The following MRTFA variants were observed in gnomAD, a reference collection of about 807,000 sequenced individuals.
MRTFA encodes the protein myocardin-related transcription factor A.
In MRTFA, 20 loss-of-function variants were observed where a neutral mutation model predicts 83.5. The observed-to-expected ratio is 0.24, with a 90% CI of 0.17 to 0.35. The LOEUF is 0.35. MRTFA is among the 10% of genes least tolerant of loss of function. The probability of loss-of-function intolerance (pLI) is 1.00; values close to 1 mark genes in which losing one functional copy is unlikely to be tolerated. For missense variants in MRTFA, 1,200 were observed against 1,224.7 expected (o/e 0.98, Z 0.30); for synonymous variants, 659 against 541.2 (o/e 1.22, Z -3.02).
chr22:40,443,854 C>T (rs1188591772), intron 4 of MRTFA, among the ~76,000 whole-genome samples: 2 of 152,204 alleles, frequency 1.3e-5, no homozygotes, highest in African/African-American at 4.8e-5. Context: ...ATTCATAAGG[C>T]ACCTCTCCCA....
intron 1 of MRTFA, among the ~76,000 whole-genome samples, chr22:40,631,671 C>A (rs1465897677): frequency 1.3e-5 from 2 of 152,152 alleles, no homozygotes; most frequent in Non-Finnish European, 2.9e-5. Flanking sequence ...AAATATTTTT[C>A]CTTATGTCAA....
intron 4 of MRTFA, among the ~76,000 whole-genome samples, chr22:40,459,862 T>TATATATATATATATATATACAC (rs796103400): frequency 3.3e-5 from 4 of 121,486 alleles, no homozygotes; most frequent in African/African-American, 1.3e-4. Context: ...TATATATATA[T>TATATATATATATATATATACAC]ACACACATGA....
chr22:40,456,306 A>T (rs1341362846), intron 4 of MRTFA, among the ~76,000 whole-genome samples: 2 of 152,012 alleles, frequency 1.3e-5, no homozygotes, highest in Non-Finnish European at 2.9e-5. Flanking sequence ...GTGAAACTGA[A>T]ACTTCTGTAA....
At chr22:40,510,586 C>T (rs2054651162) in intron 3 of MRTFA, among the ~76,000 whole-genome samples, 1 of 152,076 alleles carries the variant, frequency 6.6e-6, no homozygotes, top group Non-Finnish European at 1.5e-5. Flanking sequence ...TTCACTGAAT[C>T]ATTAAATAAA....
chr22:40,438,407 G>A (rs1055609891), intron 4 of MRTFA, among the ~76,000 whole-genome samples: 8 of 152,182 alleles, frequency 5.3e-5, no homozygotes, highest in Non-Finnish European at 1.0e-4. Flanking sequence ...CTGACTTGCT[G>A]CCTCAACAAC....
At chr22:40,453,437 C>CCTT (rs1431860238) in intron 4 of MRTFA, among the ~76,000 whole-genome samples, 1 of 152,134 alleles carries the variant, frequency 6.6e-6, no homozygotes, top group Non-Finnish European at 1.5e-5. Context: ...TTGGGGAAAG[C>CCTT]CTTTTCTGGG....
intron 3 of MRTFA, among the ~76,000 whole-genome samples, chr22:40,530,625 A>G (rs980190338): frequency 2.0e-5 from 3 of 152,268 alleles, no homozygotes; most frequent in African/African-American, 4.8e-5. Context: ...ATCATTAATT[A>G]TCTAAACAAA....
Position 40,471,280 on chromosome 22 carries a change from G to A in MRTFA, c.242-7994C>T, listed in dbSNP as rs181060252. ...TAGCCAGATGTGGTGGCACGCGCCT[G>A]TAATCCCAGCTACTTGGGAGGCTGA... On this transcript the variant is annotated intron_variant, in intron 3 of 14. Coordinates refer to ENST00000355630, the MANE Select transcript of MRTFA (RefSeq NM_020831.6). 4.0e-4 allele frequency among the ~76,000 whole-genome samples: 59 copies of A among 147,532 alleles called. 1 individual carries two copies. The East Asian group carries it at 0.011, about 27-fold the overall frequency.
At chr22:40,606,855 T>C (rs2056323889) in intron 1 of MRTFA, among the ~76,000 whole-genome samples, 1 of 152,190 alleles carries the variant, frequency 6.6e-6, no homozygotes, top group Non-Finnish European at 1.5e-5. Context: ...GCATATAATT[T>C]CTGGGGCTAG....
At chr22:40,554,871 G>A (rs1483656539) in intron 2 of MRTFA, among the ~76,000 whole-genome samples, 1 of 152,228 alleles carries the variant, frequency 6.6e-6, no homozygotes, top group Non-Finnish European at 1.5e-5. Context: ...AGCTGCCCAA[G>A]GCTTTGGGAA....
At chr22:40,526,847 C>T (rs1030607844) in intron 3 of MRTFA, 2 of 152,152 alleles carry the variant, frequency 1.3e-5, no homozygotes, top group Admixed American at 1.3e-4. Context: ...CACCTGTAAT[C>T]CTAATACCTT....
chr22:40,483,124 G>C (rs1439324391), intron 3 of MRTFA, among the ~76,000 whole-genome samples: 1 of 152,026 alleles, frequency 6.6e-6, no homozygotes, highest in African/African-American at 2.4e-5. Flanking sequence ...AGTGGTGCAG[G>C]ATCACAGCTC....
At chr22:40,475,312 C>T (rs868190555) in intron 3 of MRTFA, among the ~76,000 whole-genome samples, 2 of 151,566 alleles carry the variant, frequency 1.3e-5, no homozygotes, top group African/African-American at 2.4e-5. Context: ...CTGAGGTGGG[C>T]GGATCACCTG....
intron 3 of MRTFA, among the ~76,000 whole-genome samples, chr22:40,483,685 T>TAAAAAA (rs536293323): frequency 1.4e-5 from 2 of 140,928 alleles, no homozygotes; most frequent in Non-Finnish European, 3.1e-5. Flanking sequence ...ACTGTCTCAA[T>TAAAAAA]AAAAAAAAAA....
chr22:40,575,353 TA>T (rs2055852461), intron 2 of MRTFA, among the ~76,000 whole-genome samples: 1 of 152,194 alleles, frequency 6.6e-6, no homozygotes, highest in South Asian at 2.1e-4. Context: ...GTCAAAGTTC[TA>T]AGATAAAATA....
At position 40,629,511 on chromosome 22, in the gene MRTFA, C is replaced by G. The variant is rs144484227; in HGVS notation, c.-84+6967G>C. On this transcript the variant is annotated intron_variant, in intron 1 of 14. Transcript: ENST00000355630. ...GGCACAGTGGCTCACGCTGTAATCC[C>G]AATACTTTGGGAGGCCGAGGCGGAT... is the stretch of plus-strand genomic sequence containing the variant. Among the ~76,000 whole-genome samples, 657 of 151,030 alleles carry G rather than the reference C, an allele frequency of 4.4e-3. 7 individuals are homozygous for G. The highest frequency in any genetic ancestry group is 0.015 in the African/African-American group (634 of 41,158).
At chr22:40,424,086 A>C in intron 8 of MRTFA, 120 bp downstream of exon 8, 1 of 1,115,002 alleles carries the variant, frequency 9.0e-7, no homozygotes, top group Non-Finnish European at 1.2e-6. Context: ...CAACTAGGGT[A>C]GCATCCCCCT....
At chr22:40,428,530 T>C (rs2147088642) in intron 7 of MRTFA, among the ~76,000 whole-genome samples, 1 of 152,282 alleles carries the variant, frequency 6.6e-6, no homozygotes, top group Non-Finnish European at 1.5e-5. Context: ...GTTTTTGTTT[T>C]TGAGACAGGG....
intron 4 of MRTFA, among the ~76,000 whole-genome samples, chr22:40,446,920 A>C (rs1485741461): frequency 2.6e-5 from 4 of 152,190 alleles, no homozygotes; most frequent in Admixed American, 6.5e-5. Flanking sequence ...GCTTATACTT[A>C]ATTGAAGAAA....
Sources: gnomAD v4.1 joint callset for allele counts (sites outside exome capture counted in the v4.1 genomes callset) on GRCh38, gnomAD v4.1.1 for gene constraint, MANE v1.5 for transcripts, NCBI Gene and HGNC (gene_info 2026-07-23, HGNC 2026-07-21) for gene names.